The following ZDHHC15 variants were observed in gnomAD, a reference collection of about 807,000 sequenced individuals.
ZDHHC15 encodes zDHHC palmitoyltransferase 15.
In ZDHHC15, 19 loss-of-function variants were observed where a neutral mutation model predicts 31.7. The observed-to-expected ratio is 0.60, with a 90% CI of 0.42 to 0.88. The LOEUF is 0.88. Ranked by LOEUF, ZDHHC15 falls within the 40% of genes least tolerant of loss-of-function variation. The pLI, the probability that ZDHHC15 is intolerant of heterozygous loss-of-function variation, is 0.00. For synonymous variants in ZDHHC15, 103 were observed against 90.0 expected, an observed-to-expected ratio of 1.14 and a Z score of -0.82; for missense variants, 209 against 251.2, an observed-to-expected ratio of 0.83 and a Z score of 1.14.
chrX:75,522,973 G>A lies in ZDHHC15; in HGVS notation c.52C>T (p.Arg18Trp), dbSNP rs940443644. ...ALSGGLRCCR[R>W]VLSWVPVLVI... ...AGCACTGGCACCCAGGACAGTACCCGGCGGCAGCACCGCAGCCCCCCAGAC... is the reference window on the plus strand; with the variant it reads ...AGCACTGGCACCCAGGACAGTACCCAGCGGCAGCACCGCAGCCCCCCAGAC... Residue 18 changes from arginine to tryptophan, a missense_variant, in exon 1 of 12, where the codon CGG (arginine) becomes TGG (tryptophan). Transcript: ENST00000373367. 5 of 1,211,605 alleles carry A rather than the reference G, an allele frequency of 4.1e-6. No individual in the cohort carries two copies. Among genetic ancestry groups the A allele is most frequent in the Non-Finnish European group, 5.6e-6 (5 of 895,382 alleles).
At chrX:75,510,548 T>C (rs1158594989) in intron 1 of ZDHHC15, among the ~76,000 whole-genome samples, 2 of 83,484 alleles carry the variant, frequency 2.4e-5, no homozygotes, top group African/African-American at 3.8e-5. Context: ...TTTTTTTTTA[T>C]CTTTTGTCTT....
At chrX:75,498,914 A>G (rs1366819560) in intron 2 of ZDHHC15, among the ~76,000 whole-genome samples, 1 of 112,009 alleles carries the variant, frequency 8.9e-6, no homozygotes, top group Admixed American at 9.5e-5. Context: ...ACAAAACAGC[A>G]TGGTACTTGT....
At chrX:75,506,566 G>A (rs1002328704) in intron 1 of ZDHHC15, among the ~76,000 whole-genome samples, 3 of 111,710 alleles carry the variant, frequency 2.7e-5, no homozygotes, top group Non-Finnish European at 5.7e-5. Flanking sequence ...TAATGAGTCT[G>A]CTTGAAGATT....
intron 2 of ZDHHC15, among the ~76,000 whole-genome samples, chrX:75,481,996 G>C (rs1288473892): frequency 8.9e-6 from 1 of 111,858 alleles, no homozygotes; most frequent in Non-Finnish European, 1.9e-5. Flanking sequence ...GCTAGACCTT[G>C]TTTTTCAGCT....
intron 2 of ZDHHC15, among the ~76,000 whole-genome samples, chrX:75,479,860 G>A (rs2084662517): frequency 8.9e-6 from 1 of 111,994 alleles, no homozygotes; most frequent in Non-Finnish European, 1.9e-5. Flanking sequence ...TCTTATGGCT[G>A]AATAGTATTC....
chrX:75,520,205 A>G (rs2085423332), intron 1 of ZDHHC15, among the ~76,000 whole-genome samples: 2 of 112,267 alleles, frequency 1.8e-5, no homozygotes, highest in Non-Finnish European at 3.8e-5. Context: ...CTTGGCATGT[A>G]GCAGTGTGGT....
chrX:75,491,078 G>A (rs2084880248), intron 2 of ZDHHC15, among the ~76,000 whole-genome samples: 1 of 111,426 alleles, frequency 9.0e-6, no homozygotes, highest in Admixed American at 9.5e-5. Context: ...TGATTCCTCA[G>A]GGATCTAGAA....
intron 3 of ZDHHC15, among the ~76,000 whole-genome samples, chrX:75,468,211 A>G (rs1351320086): frequency 9.1e-6 from 1 of 109,759 alleles, no homozygotes; most frequent in African/African-American, 3.3e-5. Context: ...ATGCCCGGCT[A>G]ATTTTGTATT....
intron 10 of ZDHHC15, among the ~76,000 whole-genome samples, chrX:75,409,450 T>C (rs1444758892): frequency 1.2e-5 from 1 of 85,548 alleles, no homozygotes; most frequent in Non-Finnish European, 2.1e-5. Context: ...ATTGTGCCAC[T>C]ACACTCCAGC....
At position 75,372,131 on chromosome X, in the gene ZDHHC15, G is replaced by T. The variant is rs1299030101; in HGVS notation, c.*847C>A. 9.0e-6 allele frequency: 1 copy of T among 111,687 alleles called. No individual in the cohort carries two copies. Among genetic ancestry groups the T allele is most frequent in the African/African-American group, 3.2e-5 (1 of 30,793 alleles). 9.2% of individuals were successfully genotyped at this position (111,687 alleles called of 1,213,427 possible). A position where few individuals can be genotyped will look rare whatever the true frequency, so the allele number is the denominator to read the frequency against. ...TTTCATCATAAAATAACTCATAAAG[G>T]CTAAAATAAAACTAGGAAGCAGATA... On this transcript the variant is annotated 3_prime_UTR_variant, in exon 12 of 12. Transcript: ENST00000373367.
chrX:75,407,656 C>G (rs2083434393), intron 10 of ZDHHC15, among the ~76,000 whole-genome samples: 1 of 112,667 alleles, frequency 8.9e-6, no homozygotes, highest in Non-Finnish European at 1.9e-5. Flanking sequence ...GCCTGGCCAC[C>G]CCATCTGGGA....
intron 10 of ZDHHC15, among the ~76,000 whole-genome samples, chrX:75,386,664 A>G (rs1295800385): frequency 9.0e-6 from 1 of 111,418 alleles, no homozygotes; most frequent in Non-Finnish European, 1.9e-5. Context: ...TTTCATAGAG[A>G]AGAGGTTTCA....
intron 1 of ZDHHC15, among the ~76,000 whole-genome samples, chrX:75,517,141 A>G (rs2085370452): frequency 8.9e-6 from 1 of 111,876 alleles, no homozygotes; most frequent in Admixed American, 9.5e-5. Flanking sequence ...TGTTGGTGGG[A>G]GTGTAAACTA....
At chrX:75,518,906 C>T (rs184547357) in intron 1 of ZDHHC15, among the ~76,000 whole-genome samples, 11 of 100,459 alleles carry the variant, frequency 1.1e-4, no homozygotes, top group Non-Finnish European at 1.8e-4. Context: ...ATAATGTGGA[C>T]CAATTTCAAA....
intron 1 of ZDHHC15, among the ~76,000 whole-genome samples, chrX:75,515,136 T>C: frequency 9.0e-6 from 1 of 111,435 alleles, no homozygotes; most frequent in Middle Eastern, 4.2e-3. Flanking sequence ...ACCCGAATTC[T>C]ACCAGAGGTA....
intron 1 of ZDHHC15, among the ~76,000 whole-genome samples, chrX:75,517,982 A>C (rs1017913967): frequency 1.9e-4 from 21 of 110,368 alleles, no homozygotes; most frequent in Non-Finnish European, 3.4e-4. Context: ...AAAACAAAAA[A>C]AAACAAAAAA....
At chrX:75,384,877 T>C (rs2083163529) in intron 10 of ZDHHC15, 14 of 507,297 alleles carry the variant, frequency 2.8e-5, no homozygotes, top group Non-Finnish European at 4.5e-5. Context: ...AAAAAAAAGA[T>C]GGTAAATAAT....
intron 2 of ZDHHC15, among the ~76,000 whole-genome samples, chrX:75,492,253 C>A (rs1469524633): frequency 9.0e-6 from 1 of 111,305 alleles, no homozygotes; most frequent in African/African-American, 3.3e-5. Context: ...TATATGAACC[C>A]AATACAGGAG....
intron 3 of ZDHHC15, among the ~76,000 whole-genome samples, chrX:75,477,282 G>A (rs991645887): frequency 1.7e-4 from 19 of 111,126 alleles, no homozygotes; most frequent in African/African-American, 5.6e-4. Flanking sequence ...CTAATATATG[G>A]TCTATACTGG....
Sources: gnomAD v4.1 joint callset for allele counts (sites outside exome capture counted in the v4.1 genomes callset) on GRCh38, gnomAD v4.1.1 for gene constraint, MANE v1.5 for transcripts, NCBI Gene and HGNC (gene_info 2026-07-23, HGNC 2026-07-21) for gene names.